HOMER2: variants seen among roughly 807,000 people sequenced by gnomAD.
The protein encoded by HOMER2 is homer protein homolog 2.
Under a neutral mutation model 47.0 loss-of-function variants are expected in HOMER2, and 27 were observed. That is an observed-to-expected ratio of 0.57 (90% CI 0.42 to 0.79). The LOEUF is 0.79. Among genes scored for constraint, HOMER2 ranks in the 30% least tolerant of loss-of-function variants. The probability of loss-of-function intolerance (pLI) is 0.00; values close to 1 mark genes in which losing one functional copy is unlikely to be tolerated. For missense variants in HOMER2, 443 were observed against 435.0 expected (o/e 1.02, Z -0.16); for synonymous variants, 161 against 163.8 (o/e 0.98, Z 0.13).
In HOMER2 at chr15:82,909,189, T is replaced by C. The variant is rs1445285009; in HGVS notation, c.6-16348A>G. Among the ~76,000 whole-genome samples the C allele has an allele frequency of 3.3e-5, 5 of 152,162 alleles. No homozygotes were observed. The East Asian group carries it at 9.6e-4, about 29-fold the overall frequency. ...ATCATTCCAAAAAACCATTTGGCTA[T>C]GTTGGAAGTAAATGCTTGGTGCTGC... On this transcript the variant is annotated intron_variant, in intron 1 of 8. Coordinates refer to ENST00000450735, the MANE Select transcript of HOMER2 (RefSeq NM_004839.4).
At chr15:82,868,489 A>C (rs2151644337) in intron 3 of HOMER2, among the ~76,000 whole-genome samples, 2 of 125,188 alleles carry the variant, frequency 1.6e-5, no homozygotes, top group East Asian at 4.4e-4. Flanking sequence ...TTTAACTTTT[A>C]AGTTACATAA....
At chr15:82,869,740 G>A (rs906814003) in intron 3 of HOMER2, among the ~76,000 whole-genome samples, 12 of 152,118 alleles carry the variant, frequency 7.9e-5, no homozygotes, top group African/African-American at 2.9e-4. Context: ...TTACAGGCAT[G>A]AGCCATCACG....
At chr15:82,842,461 A>ATTTTTTTTTTTTTTTTTTTTTTTTTTTT (rs372884842) in exon 2 of HOMER2, 1 of 112,792 alleles carries the variant, frequency 8.9e-6, no homozygotes, top group Non-Finnish European at 1.8e-5. Context: ...CAGCCAGCTA[A>ATTTTTTTTTTTTTTTTTTTTTTTTTTTT]TTTTTTTTTT....
downstream of HOMER2, among the ~76,000 whole-genome samples, chr15:82,847,942 G>A (rs989328282): frequency 1.3e-5 from 2 of 152,188 alleles, no homozygotes; most frequent in Non-Finnish European, 2.9e-5. Context: ...CTGGGGAAAG[G>A]GAAGGGCCAG....
chr15:82,973,736 C>A (rs1285022622), intron 1 of HOMER2, among the ~76,000 whole-genome samples: 1 of 152,204 alleles, frequency 6.6e-6, no homozygotes, highest in Non-Finnish European at 1.5e-5. Flanking sequence ...AGAGAAGAAT[C>A]TCAGCAAAGT....
chr15:82,914,378 T>TAA (rs755003013), intron 1 of HOMER2, among the ~76,000 whole-genome samples: 12 of 108,948 alleles, frequency 1.1e-4, no homozygotes, highest in Admixed American at 3.8e-4. Flanking sequence ...ACTCCATCTT[T>TAA]AAAAAAAAAA....
chr15:82,847,408 G>C (rs993979780), downstream of HOMER2, among the ~76,000 whole-genome samples: 1 of 152,162 alleles, frequency 6.6e-6, no homozygotes, highest in Admixed American at 6.5e-5. Flanking sequence ...CTCCAGGGTT[G>C]CAACAGCTGT....
At chr15:82,986,067 T>C (rs2030590076), upstream of HOMER2, 1 of 985,426 alleles carries the variant, frequency 1.0e-6, no homozygotes, top group Non-Finnish European at 1.2e-6. Flanking sequence ...TTTAGACAGC[T>C]ACTTGCCCAC....
chr15:82,918,425 G>A (rs1207672751), intron 1 of HOMER2, among the ~76,000 whole-genome samples: 2 of 152,142 alleles, frequency 1.3e-5, no homozygotes, highest in African/African-American at 4.8e-5. Flanking sequence ...ATACCACAGT[G>A]CTCAGATTTC....
intron 1 of HOMER2, among the ~76,000 whole-genome samples, chr15:82,931,435 A>G (rs574581494): frequency 6.6e-6 from 1 of 151,010 alleles, no homozygotes; most frequent in African/African-American, 2.4e-5. Context: ...AGCTTTTTTT[A>G]GCTCCCTCCC....
At chr15:82,863,052 T>C (rs1462814435) in intron 4 of HOMER2, among the ~76,000 whole-genome samples, 1 of 152,074 alleles carries the variant, frequency 6.6e-6, no homozygotes, top group Non-Finnish European at 1.5e-5. Context: ...CCCTCCTCTC[T>C]CCACTGCTTC....
chr15:82,922,606 C>T (rs1000445272), intron 1 of HOMER2, among the ~76,000 whole-genome samples: 2 of 152,132 alleles, frequency 1.3e-5, no homozygotes, highest in Non-Finnish European at 2.9e-5. Context: ...GAACCTCAAA[C>T]GAGTGAGACA....
At position 82,901,409 on chromosome 15, in the gene HOMER2, A is replaced by G. The variant is rs143944981; in HGVS notation, c.6-8568T>C. On this transcript the variant is annotated intron_variant, in intron 1 of 8. Transcript: ENST00000450735. ...GGGAAGTCTAGGACAGGGACAGAAG[A>G]GAAAATAAAACTCACTAGCAACATA... is the stretch of plus-strand genomic sequence containing the variant. Among the ~76,000 whole-genome samples, 11 of 152,328 alleles carry G rather than the reference A, an allele frequency of 7.2e-5. No homozygotes were observed. The East Asian group carries it at 2.1e-3, about 29-fold the overall frequency.
intron 1 of HOMER2, among the ~76,000 whole-genome samples, chr15:82,938,156 G>A (rs1444524460): frequency 6.6e-6 from 1 of 152,130 alleles, no homozygotes; most frequent in Non-Finnish European, 1.5e-5. Flanking sequence ...TGGATCACCT[G>A]AAGTCAGGAG....
chr15:82,868,537 A>ATTTTTTTTT (rs2052060179), intron 3 of HOMER2, among the ~76,000 whole-genome samples: 1 of 60,860 alleles, frequency 1.6e-5, no homozygotes, highest in Non-Finnish European at 3.5e-5. Context: ...ATATATATAT[A>ATTTTTTTTT]TATATTTTTT....
In HOMER2 at chr15:82,854,411, A is replaced by G. The variant is rs2055891; in HGVS notation, c.651+233T>C. ...ACAGAGCGAGACTCCATCTCAAAAAAAAAGAAAGAAAATAAAACCAGAAAA... is the reference window on the plus strand; with the variant it reads ...ACAGAGCGAGACTCCATCTCAAAAAGAAAGAAAGAAAATAAAACCAGAAAA... On this transcript the variant is annotated intron_variant, in intron 6 of 8. Transcript: ENST00000450735. Among the ~76,000 whole-genome samples the G allele has an allele frequency of 0.24, 36,195 of 151,880 alleles. 4,860 individuals are homozygous for G. Among genetic ancestry groups the G allele is most frequent in the African/African-American group, 0.35 (14,572 of 41,320 alleles).
At chr15:82,977,906 C>A (rs1042895590) in intron 1 of HOMER2, among the ~76,000 whole-genome samples, 1 of 152,004 alleles carries the variant, frequency 6.6e-6, no homozygotes, top group South Asian at 2.1e-4. Flanking sequence ...CAGCACTTTG[C>A]GAGGCTGAAG....
chr15:82,940,895 C>CA (rs761832520), intron 1 of HOMER2, among the ~76,000 whole-genome samples: 2,154 of 141,298 alleles, frequency 0.015, 51 homozygotes, highest in African/African-American at 0.051. Context: ...GACCCTGTTC[C>CA]AAAAAAAAAA....
intron 1 of HOMER2, among the ~76,000 whole-genome samples, chr15:82,946,485 C>A (rs572950594): frequency 6.6e-6 from 1 of 152,168 alleles, no homozygotes; most frequent in Non-Finnish European, 1.5e-5. Context: ...TGCCTCAGGG[C>A]CTTTACACCT....
Sources: allele counts gnomAD v4.1 joint callset (sites outside exome capture counted in the v4.1 genomes callset), GRCh38; gene constraint gnomAD v4.1.1; transcripts MANE v1.5; gene names NCBI Gene and HGNC (gene_info 2026-07-23, HGNC 2026-07-21).